Variants in SZRD1 observed in about 807,000 individuals in gnomAD.
SZRD1 encodes SUZ RNA-binding domain-containing.
In SZRD1, 7 loss-of-function variants were observed where a neutral mutation model predicts 17.6. That is an observed-to-expected ratio of 0.40 (90% confidence interval 0.23 to 0.75). The LOEUF (loss-of-function observed/expected upper bound fraction) is 0.75. Ranked by LOEUF, SZRD1 falls within the 30% of genes least tolerant of loss-of-function variation. The probability of loss-of-function intolerance (pLI) is 0.38; values close to 1 mark genes in which losing one functional copy is unlikely to be tolerated. For synonymous variants in SZRD1, 77 were observed against 77.9 expected, an observed-to-expected ratio of 0.99 and a Z score of 0.06; for missense variants, 178 against 201.8, an observed-to-expected ratio of 0.88 and a Z score of 0.71.
intron 1 of SZRD1, among the ~76,000 whole-genome samples, chr1:16,381,660 G>A (rs898737369): frequency 2.6e-5 from 4 of 152,110 alleles, no homozygotes; most frequent in Admixed American, 1.3e-4. Context: ...GGCCGAGTGC[G>A]GTGGCTCACC....
At chr1:16,371,870 T>TACC (rs1461439272) in intron 1 of SZRD1, among the ~76,000 whole-genome samples, 1 of 152,176 alleles carries the variant, frequency 6.6e-6, no homozygotes, top group African/African-American at 2.4e-5. Flanking sequence ...CACAGGCGTG[T>TACC]ACCACTATGT....
chr1:16,386,945 C>CA (rs2085135439), intron 1 of SZRD1: 1 of 197,766 alleles, frequency 5.1e-6, no homozygotes, highest in African/African-American at 2.4e-5. Flanking sequence ...ATAGGGGCCT[C>CA]AAAAGGCGAA....
chr1:16,387,904 G>A (rs184503863), intron 1 of SZRD1: 73 of 351,248 alleles, frequency 2.1e-4, no homozygotes, highest in African/African-American at 1.4e-3. Context: ...GACAGAGTAC[G>A]TAGTGGACAT....
intron 3 of SZRD1, among the ~76,000 whole-genome samples, chr1:16,394,774 G>A (rs1350485913): frequency 2.0e-5 from 3 of 152,136 alleles, no homozygotes; most frequent in African/African-American, 7.2e-5. Context: ...GGCCGACATG[G>A]TGAAACCCCA....
chr1:16,369,438 A>G (rs1001550724), intron 1 of SZRD1: 1 of 1,059,856 alleles, frequency 9.4e-7, no homozygotes, highest in Non-Finnish European at 1.4e-6. Flanking sequence ...CCATGATTCC[A>G]TCTTCTACGG....
intron 1 of SZRD1, chr1:16,367,781 A>C (rs1208034191): frequency 6.1e-6 from 1 of 163,610 alleles, no homozygotes; most frequent in Non-Finnish European, 1.3e-5. Context: ...GGGCGGGGGG[A>C]AATTGAATCC....
rs2085286735 is a variant in SZRD1 at position 16,395,025 on chromosome 1, T to A, written c.357-13T>A. 1 of 1,533,990 alleles carries A rather than the reference T, an allele frequency of 6.5e-7. No homozygotes were observed. Among genetic ancestry groups the A allele is most frequent in the Non-Finnish European group, 9.0e-7 (1 of 1,109,814 alleles). ...TCCTTCTTCAGGCCTTCCTCTGCTTTTCTTCCTTTCAGGCCAACCAGGATC... is the reference window on the plus strand; with the variant it reads ...TCCTTCTTCAGGCCTTCCTCTGCTTATCTTCCTTTCAGGCCAACCAGGATC... On this transcript the variant is annotated splice_polypyrimidine_tract_variant and intron_variant, in intron 3 of 3. Coordinates refer to ENST00000401088, the MANE Select transcript of SZRD1 (RefSeq NM_001114600.3).
At chr1:16,387,178 T>C (rs1288973189) in intron 1 of SZRD1, 1 of 405,506 alleles carries the variant, frequency 2.5e-6, no homozygotes, top group African/African-American at 2.1e-5. Context: ...ATGTTAATCA[T>C]GTTCTAGTTT....
intron 1 of SZRD1, among the ~76,000 whole-genome samples, 159 bp downstream of exon 1, chr1:16,367,467 C>T (rs1271028661): frequency 6.6e-6 from 1 of 151,988 alleles, no homozygotes; most frequent in Non-Finnish European, 1.5e-5. Context: ...CCGTGAAGGC[C>T]TCTTAAAGGG....
intron 1 of SZRD1, chr1:16,367,751 A>G (rs2082847075): frequency 5.8e-6 from 1 of 172,790 alleles, no homozygotes; most frequent in Non-Finnish European, 1.2e-5. Context: ...CTTCGCAGGA[A>G]AGCGGGAGGA....
intron 1 of SZRD1, among the ~76,000 whole-genome samples, chr1:16,372,264 C>T (rs988957433): frequency 9.9e-5 from 15 of 151,928 alleles, no homozygotes; most frequent in Non-Finnish European, 1.9e-4. Context: ...CCTGAGGTCA[C>T]GAGTTCAAGA....
At chr1:16,380,798 G>C (rs1185113140) in intron 1 of SZRD1, among the ~76,000 whole-genome samples, 3 of 152,068 alleles carry the variant, frequency 2.0e-5, no homozygotes, top group Admixed American at 6.6e-5. Context: ...GTAGAGATGG[G>C]ATTTTGCCAT....
At chr1:16,379,154 C>G (rs1174879620) in intron 1 of SZRD1, among the ~76,000 whole-genome samples, 1 of 151,756 alleles carries the variant, frequency 6.6e-6, no homozygotes, top group African/African-American at 2.4e-5. Context: ...GAGTCTCGCT[C>G]TGTCGCCCAG....
intron 1 of SZRD1, among the ~76,000 whole-genome samples, chr1:16,380,813 G>A (rs1450619868): frequency 6.6e-6 from 1 of 152,014 alleles, no homozygotes; most frequent in African/African-American, 2.4e-5. Flanking sequence ...TGCCATTTTG[G>A]CCAGGCTGGT....
chr1:16,387,516 G>C (rs772791647), intron 1 of SZRD1: 2 of 456,698 alleles, frequency 4.4e-6, no homozygotes, highest in South Asian at 3.1e-5. Flanking sequence ...GGCCCTGTCT[G>C]CCAAAGCTTG....
Position 16,369,681 on chromosome 1 carries a change from G to A in SZRD1, c.51+2373G>A, listed in dbSNP as rs562783738. ...AGGTGGGTGGATAACCTGAGGTTAG[G>A]AGTTCCAGACCAGCCTGGCCAACAT... On this transcript the variant is annotated intron_variant, in intron 1 of 3. Coordinates refer to ENST00000401088, the MANE Select transcript of SZRD1 (RefSeq NM_001114600.3). 9.2e-5 allele frequency among the ~76,000 whole-genome samples: 14 copies of A among 152,272 alleles called. No homozygotes were observed. The South Asian group carries it at 2.5e-3, about 27-fold the overall frequency.
intron 1 of SZRD1, among the ~76,000 whole-genome samples, chr1:16,380,429 A>C (rs1051689246): frequency 5.9e-5 from 9 of 151,842 alleles, no homozygotes; most frequent in Non-Finnish European, 1.3e-4. Context: ...CAGCCTCCCA[A>C]GCAGCTGGAA....
At chr1:16,389,773 G>GGC (rs2085194590) in intron 1 of SZRD1, among the ~76,000 whole-genome samples, 2 of 152,242 alleles carry the variant, frequency 1.3e-5, no homozygotes, top group Non-Finnish European at 2.9e-5. Flanking sequence ...AACATACAGA[G>GGC]CACTTACGAA....
rs147394858 is a variant in SZRD1, at chr1:16,375,315, A to AT, written c.51+8016dup. 2.6e-3 allele frequency among the ~76,000 whole-genome samples: 386 copies of AT among 150,354 alleles called. 1 individual carries two copies. The highest frequency in any genetic ancestry group is 4.8e-3 in the Non-Finnish European group (321 of 67,496). ...CCAATAGTCTGTATGGAGACAGATA[A>AT]TTTTTTTTTCTTTTTTTTGAGAAGG... On this transcript the variant is annotated intron_variant, in intron 1 of 3. Coordinates refer to ENST00000401088, the MANE Select transcript of SZRD1 (RefSeq NM_001114600.3).
Sources: gnomAD v4.1 joint callset for allele counts (sites outside exome capture counted in the v4.1 genomes callset) on GRCh38, gnomAD v4.1.1 for gene constraint, MANE v1.5 for transcripts, NCBI Gene and HGNC (gene_info 2026-07-23, HGNC 2026-07-21) for gene names.